Variants in CD22 observed in about 807,000 individuals in gnomAD.
The protein encoded by CD22 is B-cell receptor CD22.
Under a neutral mutation model 94.7 loss-of-function variants are expected in CD22, and 51 were observed. The observed-to-expected ratio is 0.54, with a 90% CI of 0.43 to 0.68. CD22 has a LOEUF of 0.68. Among genes scored for constraint, CD22 ranks in the 30% least tolerant of loss-of-function variants. The pLI, the probability that CD22 is intolerant of heterozygous loss-of-function variation, is 0.00. For synonymous variants in CD22, 424 were observed against 422.5 expected (o/e 1.00, Z -0.04); for missense variants, 931 against 1,060.4 (o/e 0.88, Z 1.69).
rs2066800083 is a variant in CD22 at position 35,341,030 on chromosome 19, C to T, written c.1399C>T (p.Leu467Phe). The T allele has an allele frequency of 1.2e-6, 2 of 1,614,120 alleles. No individual in the cohort carries two copies. Among genetic ancestry groups the T allele is most frequent in the Non-Finnish European group, 1.7e-6 (2 of 1,180,048 alleles). Residue 467 changes from leucine to phenylalanine, a missense_variant, in exon 7 of 14, where the codon CTT (leucine) becomes TTT (phenylalanine). By Grantham distance (22) the Leu-to-Phe change is conservative (BLOSUM62 0). Coordinates refer to ENST00000085219, the MANE Select transcript of CD22 (RefSeq NM_001771.4). The surrounding 1 kb of genome is among the most constrained non-coding windows in gnomAD (Gnocchi z 4.0). ...CCATGGCGCCTGGGAGGAGCCATCG[C>T]TTGGGGTGCTGAAGATCCAAAACGT... Reference protein sequence around the residue: ...KPHGAWEEPSLGVLKIQNVGW... With the variant: ...KPHGAWEEPSFGVLKIQNVGW...
intron 9 of CD22, among the ~76,000 whole-genome samples, chr19:35,344,199 C>T (rs946019154): frequency 3.9e-5 from 6 of 152,186 alleles, no homozygotes; most frequent in Admixed American, 3.9e-4. Context: ...CTGTCTCAAT[C>T]AATCAATCAG....
intron 13 of CD22, 62 bp downstream of exon 13, chr19:35,346,297 C>T: frequency 5.6e-6 from 8 of 1,421,940 alleles, no homozygotes; most frequent in South Asian, 1.1e-5. Context: ...CAGGGCCTGG[C>T]CTCAGTGGTG....
In CD22 at chr19:35,341,683, C is replaced by T. The variant is rs771742142; in HGVS notation, c.1772-19C>T. ...GCCTGGTAGTGACTTCGCACCCCCT[C>T]CCCCTGCCCGCCATGCAGATGCACC... On this transcript the variant is annotated intron_variant, in intron 8 of 13. Transcript: ENST00000085219. This position sits in a 1 kb window ranked among gnomAD's most constrained non-coding sequence, Gnocchi z 4.0. 5.6e-6 allele frequency: 9 copies of T among 1,606,734 alleles called. No homozygotes were observed. Among genetic ancestry groups the T allele is most frequent in the Admixed American group, 1.7e-5 (1 of 59,828 alleles).
Position 35,338,416 on chromosome 19 carries a change from G to A in CD22, c.1234G>A (p.Glu412Lys), listed in dbSNP as rs1306875333. The change falls in exon 6 of 14, where the codon GAG becomes AAG. Residue 412 changes from glutamate to lysine, a missense_variant. Glu to Lys is a moderately conservative substitution (Grantham distance 56). Transcript: ENST00000085219. ...TACTGGACAGAGGGGCCCGGGAGCT[G>A]AGCTGGATGTCCAGTGTGAGTAGCC... is the stretch of plus-strand genomic sequence containing the variant. Reference protein sequence around the residue: ...LGTGQRGPGAELDVQYPPKKV... With the variant: ...LGTGQRGPGAKLDVQYPPKKV... The A allele has an allele frequency of 4.3e-6, 7 of 1,613,108 alleles. No individual in the cohort carries two copies. The highest frequency in any genetic ancestry group is 3.3e-4 in the Middle Eastern group (2 of 6,080).
Position 35,337,775 on chromosome 19 carries a change from A to T in CD22, c.739A>T (p.Lys247Ter). The change falls in exon 5 of 14, where the codon AAG becomes TAG. Residue 247 changes from lysine to a stop codon, truncating the protein, a stop_gained. Transcript: ENST00000085219. LOFTEE classifies it high-confidence loss of function. This position sits in a 1 kb window ranked among gnomAD's most constrained non-coding sequence, Gnocchi z 4.4. ...NVKHTPKLEI[K>*]VTPSDAIVRE... The stretch of plus-strand genomic sequence containing the variant: ...TCCAGACACCCCGAAGTTGGAGATC[A>T]AGGTCACTCCCAGTGATGCCATAGT... 6.2e-7 allele frequency: 1 copy of T among 1,602,498 alleles called. No homozygotes were observed. The highest frequency in any genetic ancestry group is 1.1e-5 in the South Asian group (1 of 90,582).
intron 1 of CD22, among the ~76,000 whole-genome samples, chr19:35,331,391 G>A (rs770215221): frequency 2.0e-5 from 3 of 152,196 alleles, no homozygotes; most frequent in Non-Finnish European, 4.4e-5. Context: ...GCCACTCAAA[G>A]CCTGTGAGCC....
At chr19:35,333,124 G>T (rs2066669094) in intron 3 of CD22, 200 bp downstream of exon 3, 1 of 554,904 alleles carries the variant, frequency 1.8e-6, no homozygotes, top group Non-Finnish European at 3.2e-6. Context: ...CTCAGTTCCT[G>T]CCCCTCTGGG....
In CD22 at chr19:35,345,091, T is replaced by C. The variant is rs767277424; in HGVS notation, c.2173T>C (p.Ser725Pro). ...TQSQQGLQEN[S>P]SGQSFFVRNK... ...GAGCCAGCAGGGGCTTCAGGAGAAT[T>C]CCAGCGGCCAGAGCTTCTTTGTGAG... The change falls in exon 11 of 14, where the codon TCC (serine) becomes CCC (proline). Residue 725 changes from serine to proline, a missense_variant. Coordinates refer to ENST00000085219, the MANE Select transcript of CD22 (RefSeq NM_001771.4). 1 of 1,614,136 alleles carries C rather than the reference T, an allele frequency of 6.2e-7. No homozygotes were observed. Among genetic ancestry groups the C allele is most frequent in the Admixed American group, 1.7e-5 (1 of 60,012 alleles).
At position 35,337,215 on chromosome 19, in the gene CD22, G is replaced by A. The variant is rs2066737931; in HGVS notation, c.719-540G>A. Among the ~76,000 whole-genome samples, 1 of 151,888 alleles carries A rather than the reference G, an allele frequency of 6.6e-6. No homozygotes were observed. Among genetic ancestry groups the A allele is most frequent in the African/African-American group, 2.4e-5 (1 of 41,324 alleles). On this transcript the variant is annotated intron_variant, in intron 4 of 13. Transcript: ENST00000085219. This position sits in a 1 kb window ranked among gnomAD's most constrained non-coding sequence, Gnocchi z 4.4. Reference sequence around the variant, plus strand: ...GATCGCACCACTGCACTCCAACCTGGGTGACGAGTGAGACTCCATCTCAAA... The same window carrying A: ...GATCGCACCACTGCACTCCAACCTGAGTGACGAGTGAGACTCCATCTCAAA...
In CD22 at chr19:35,337,576, G is replaced by A. The variant is rs910610376; in HGVS notation, c.719-179G>A. Among the ~76,000 whole-genome samples, 8 of 152,314 alleles carry A rather than the reference G, an allele frequency of 5.3e-5. No individual in the cohort carries two copies. Among genetic ancestry groups the A allele is most frequent in the African/African-American group, 1.9e-4 (8 of 41,568 alleles). On this transcript the variant is annotated intron_variant, in intron 4 of 13. Coordinates refer to ENST00000085219, the MANE Select transcript of CD22 (RefSeq NM_001771.4). This position sits in a 1 kb window ranked among gnomAD's most constrained non-coding sequence, Gnocchi z 4.4. ...TTAGGAACCCTGCGTGCTGCTGGTG[G>A]AGACCAAGAAGTAGAGGAAGTGGGA...
At position 35,336,077 on chromosome 19, in the gene CD22, C is replaced by G. The variant is rs554866571; in HGVS notation, c.454C>G (p.Gln152Glu). ...PPHIQLPPEI[Q>E]ESQEVTLTCL... ...TCATATCCAGCTCCCTCCAGAAATT[C>G]AAGAGTCCCAGGAAGTCACTCTGAC... is the stretch of plus-strand genomic sequence containing the variant. The change falls in exon 4 of 14, where the codon CAA becomes GAA. Residue 152 changes from glutamine to glutamate, a missense_variant. Coordinates refer to ENST00000085219, the MANE Select transcript of CD22 (RefSeq NM_001771.4). 7.4e-5 allele frequency: 119 copies of G among 1,613,930 alleles called. No homozygotes were observed. In the East Asian group the frequency reaches 2.7e-3, roughly 36 times the overall value.
chr19:35,338,881 G>A (rs993440264), intron 6 of CD22, among the ~76,000 whole-genome samples: 1 of 151,570 alleles, frequency 6.6e-6, no homozygotes, highest in Non-Finnish European at 1.5e-5. Flanking sequence ...CACCCGCCTC[G>A]GCCTCCCAAA....
chr19:35,336,886 T>C (rs977523325), intron 4 of CD22, among the ~76,000 whole-genome samples: 5 of 152,186 alleles, frequency 3.3e-5, no homozygotes, highest in African/African-American at 9.7e-5. Context: ...TAGTGATATG[T>C]GTGTTAGGAA....
In CD22 at chr19:35,341,987, G is replaced by C. The variant is rs370413131; in HGVS notation, c.2035+22G>C. Reference sequence around the variant, plus strand: ...TACTGTAAGGCCTCTTCCTGCTCTTGTTCTTCTTGGTGGTGGTCAGTCCTT... The same window carrying C: ...TACTGTAAGGCCTCTTCCTGCTCTTCTTCTTCTTGGTGGTGGTCAGTCCTT... On this transcript the variant is annotated intron_variant, in intron 9 of 13. Coordinates refer to ENST00000085219, the MANE Select transcript of CD22 (RefSeq NM_001771.4). The surrounding 1 kb of genome is among the most constrained non-coding windows in gnomAD (Gnocchi z 4.0). 1.9e-6 allele frequency: 3 copies of C among 1,588,780 alleles called. No homozygotes were observed. The African/African-American group carries it at 4.1e-5, about 21-fold the overall frequency.
Position 35,346,887 on chromosome 19 carries a change from G to C in CD22, c.*190G>C. 1.7e-6 allele frequency: 1 copy of C among 604,454 alleles called. No homozygotes were observed. Among genetic ancestry groups the C allele is most frequent in the Non-Finnish European group, 2.8e-6 (1 of 359,788 alleles). 37.4% of individuals were successfully genotyped at this position (604,454 alleles called of 1,614,324 possible). ...GCTCAGAGCCAGTCTTTTTGGTGAG[G>C]GTAACCCCAAACCTCCAAAACTCCT... is the stretch of plus-strand genomic sequence containing the variant. On this transcript the variant is annotated 3_prime_UTR_variant, in exon 14 of 14. Coordinates refer to ENST00000085219, the MANE Select transcript of CD22 (RefSeq NM_001771.4).
chr19:35,342,437 G>A (rs1265445782), intron 9 of CD22, among the ~76,000 whole-genome samples: 1 of 152,010 alleles, frequency 6.6e-6, no homozygotes, highest in East Asian at 1.9e-4. Context: ...CCAAAGCCCT[G>A]GGATTAGAGC....
At chr19:35,342,581 A>T (rs1312881441) in intron 9 of CD22, among the ~76,000 whole-genome samples, 1 of 150,522 alleles carries the variant, frequency 6.6e-6, no homozygotes, top group Admixed American at 6.6e-5. Flanking sequence ...TCCCATTCAC[A>T]CCCCTTGCTC....
At chr19:35,344,236 G>A (rs549630905) in intron 9 of CD22, among the ~76,000 whole-genome samples, 30 of 152,356 alleles carry the variant, frequency 2.0e-4, no homozygotes, top group Middle Eastern at 3.4e-3. Context: ...TCACCAGCAC[G>A]GCCGAAGGCC....
chr19:35,334,133 G>T (rs531024742), intron 3 of CD22, among the ~76,000 whole-genome samples: 6 of 152,316 alleles, frequency 3.9e-5, no homozygotes, highest in Non-Finnish European at 7.4e-5. Context: ...GGGCTTTTAT[G>T]AGTAAAGTAG....
Sources: gnomAD v4.1 joint callset for allele counts (sites outside exome capture counted in the v4.1 genomes callset) on GRCh38, gnomAD v4.1.1 for gene constraint, Gnocchi (gnomAD v3.1) non-coding constraint, MANE v1.5 for transcripts, NCBI Gene and HGNC (gene_info 2026-07-23, HGNC 2026-07-21) for gene names.